The following NME9 variants were observed in gnomAD, a reference collection of about 807,000 sequenced individuals.
The protein encoded by NME9 is thioredoxin domain-containing protein 6.
Under a neutral mutation model 44.4 loss-of-function variants are expected in NME9, and 48 were observed. The observed-to-expected ratio is 1.08, with a 90% CI of 0.86 to 1.37. The LOEUF is 1.37. Ranked by LOEUF, NME9 falls within the 40% of genes most tolerant of loss-of-function variation. The pLI is 0.00. For missense variants in NME9, 325 were observed against 405.2 expected (o/e 0.80, Z 1.70); for synonymous variants, 139 against 147.1 (o/e 0.94, Z 0.40).
At chr3:138,264,785 C>T (rs1008231199) in intron 8 of NME9, among the ~76,000 whole-genome samples, 1 of 146,608 alleles carries the variant, frequency 6.8e-6, no homozygotes, top group Non-Finnish European at 1.6e-5. Flanking sequence ...TTTAATATTA[C>T]ACCTTAACCT....
intron 8 of NME9, among the ~76,000 whole-genome samples, chr3:138,291,418 T>C (rs1366284807): frequency 1.3e-5 from 2 of 152,188 alleles, no homozygotes; most frequent in Non-Finnish European, 2.9e-5. Context: ...CCCAGTCTCC[T>C]CTCCTCTGAG....
At chr3:138,325,032 T>C (rs1216969726) in intron 1 of NME9, 102 bp from the exon 2 acceptor site, 2 of 918,490 alleles carry the variant, frequency 2.2e-6, no homozygotes, top group East Asian at 2.4e-5. Flanking sequence ...CTGAAATACT[T>C]ACAAGTACAG....
chr3:138,262,946 C>T (rs973008423), intron 8 of NME9, among the ~76,000 whole-genome samples: 1 of 152,154 alleles, frequency 6.6e-6, no homozygotes, highest in South Asian at 2.1e-4. Context: ...CAGAATAATG[C>T]CTACAGAAGA....
chr3:138,292,332 G>A (rs1434452345), intron 8 of NME9, among the ~76,000 whole-genome samples: 4 of 152,198 alleles, frequency 2.6e-5, no homozygotes, highest in African/African-American at 4.8e-5. Flanking sequence ...GAGCCACCAC[G>A]CCGGGCCCTG....
At chr3:138,272,911 ATAATT>A (rs1356566717) in intron 8 of NME9, 1 of 1,322,872 alleles carries the variant, frequency 7.6e-7, no homozygotes, top group African/African-American at 1.5e-5. Context: ...CTATTAAAAT[ATAATT>A]TAATAAAGTA....
At chr3:138,304,514 G>GC (rs2052085918) in intron 9 of NME9, among the ~76,000 whole-genome samples, 1 of 152,200 alleles carries the variant, frequency 6.6e-6, no homozygotes, top group African/African-American at 2.4e-5. Flanking sequence ...TCAGGCCCTG[G>GC]CCCAGAGTCT....
chr3:138,303,394 A>T, intron 10 of NME9, 113 bp downstream of exon 10: 1 of 748,862 alleles, frequency 1.3e-6, no homozygotes, highest in Non-Finnish European at 2.3e-6. Flanking sequence ...GGACTGTATT[A>T]GGTTGAAGAC....
chr3:138,290,065 T>G (rs1033045027), intron 8 of NME9, among the ~76,000 whole-genome samples: 1 of 152,068 alleles, frequency 6.6e-6, no homozygotes, highest in Non-Finnish European at 1.5e-5. Context: ...CAGAATGATA[T>G]GAAATTGGAA....
intron 8 of NME9, chr3:138,263,623 ACT>A: frequency 1.1e-6 from 1 of 937,958 alleles, no homozygotes; most frequent in Non-Finnish European, 1.7e-6. Flanking sequence ...AGAGGTAAAA[ACT>A]CTTGCCAAAA....
intron 8 of NME9, among the ~76,000 whole-genome samples, chr3:138,268,968 G>C (rs2048532857): frequency 6.6e-6 from 1 of 151,956 alleles, no homozygotes; most frequent in Non-Finnish European, 1.5e-5. Context: ...TAATATCCTT[G>C]TTTTTAGGAA....
At position 138,301,608 on chromosome 3, in the gene NME9, G is replaced by A. The variant is rs983596903; in HGVS notation, c.*32C>T. 14 of 1,535,854 alleles carry A rather than the reference G, an allele frequency of 9.1e-6. No individual in the cohort carries two copies. In the African/African-American group the frequency reaches 1.6e-4, roughly 18 times the overall value. The stretch of plus-strand genomic sequence containing the variant: ...GTCTGTTTTGTGCAGTAGACCCCTG[G>A]TCACGTGCTCTGGAAGAGCAGCACA... On this transcript the variant is annotated 3_prime_UTR_variant, in exon 11 of 11. Transcript: ENST00000333911.
intron 8 of NME9, among the ~76,000 whole-genome samples, chr3:138,290,243 A>C (rs555698206): frequency 1.3e-4 from 20 of 152,320 alleles, no homozygotes; most frequent in Non-Finnish European, 2.4e-4. Flanking sequence ...AGTCAGTGGC[A>C]GAGGGCCTTG....
rs141191750 is a variant in NME9, at chr3:138,317,984, C to T, written c.267+164G>A. 2.8e-3 allele frequency among the ~76,000 whole-genome samples: 429 copies of T among 152,082 alleles called. 2 individuals are homozygous for T. Among genetic ancestry groups the T allele is most frequent in the African/African-American group, 9.8e-3 (408 of 41,436 alleles). On this transcript the variant is annotated intron_variant, in intron 4 of 10. Transcript: ENST00000333911. ...ATGTAGCCAACATCATAAAAATAGA[C>T]TGGGAGGCATCAGAGAAAACAGCAT...
At chr3:138,299,657 G>A (rs1374775191), downstream of NME9, among the ~76,000 whole-genome samples, 1 of 152,084 alleles carries the variant, frequency 6.6e-6, no homozygotes, top group African/African-American at 2.4e-5. Flanking sequence ...GTAATGGGAG[G>A]AAGGGGCATG....
At position 138,329,832 on chromosome 3, in the gene NME9, C is replaced by T. The variant is rs2054013760; in HGVS notation, c.-497G>A. On this transcript the variant is annotated 5_prime_UTR_variant, in exon 1 of 11. Transcript: ENST00000333911. Reference sequence around the variant, plus strand: ...AGTCACCAACCGAGTCTGCCGCGACCTAGCCGCGGTCGTCATGGCAACCTG... The same window carrying T: ...AGTCACCAACCGAGTCTGCCGCGACTTAGCCGCGGTCGTCATGGCAACCTG... 1.0e-6 allele frequency: 1 copy of T among 986,182 alleles called. No homozygotes were observed. The highest frequency in any genetic ancestry group is 1.2e-6 in the Non-Finnish European group (1 of 830,418). The allele number at this position is 986,182 out of a possible 1,614,324, so 61.1% of individuals were successfully genotyped here.
At chr3:138,315,126 G>A (rs922141036) in intron 5 of NME9, among the ~76,000 whole-genome samples, 3 of 152,158 alleles carry the variant, frequency 2.0e-5, no homozygotes, top group African/African-American at 7.2e-5. Context: ...AGCCCTCTGA[G>A]TTCACAAGTA....
chr3:138,293,408 A>G (rs2051171625), intron 8 of NME9, among the ~76,000 whole-genome samples: 1 of 152,140 alleles, frequency 6.6e-6, no homozygotes, highest in Admixed American at 6.6e-5. Context: ...GCATGGTAGT[A>G]CGTGCCTGTA....
Position 138,301,410 on chromosome 3 carries a change from G to T in NME9, c.*230C>A. On this transcript the variant is annotated 3_prime_UTR_variant, in exon 11 of 11. Coordinates refer to ENST00000333911, the MANE Select transcript of NME9 (RefSeq NM_001349018.2). ...AGTAGAGACAGGGTTTCACCATGTTGGCTAGGCTGGTGTCAAACTCCTAAT... is the reference window on the plus strand; with the variant it reads ...AGTAGAGACAGGGTTTCACCATGTTTGCTAGGCTGGTGTCAAACTCCTAAT... The T allele has an allele frequency of 5.2e-6, 4 of 766,350 alleles. No homozygotes were observed. The highest frequency in any genetic ancestry group is 5.6e-6 in the Non-Finnish European group (3 of 536,046). The allele number at this position is 766,350 out of a possible 1,614,324, so 47.5% of individuals were successfully genotyped here.
chr3:138,323,847 G>T (rs564747251), intron 2 of NME9, among the ~76,000 whole-genome samples: 1 of 152,296 alleles, frequency 6.6e-6, no homozygotes, highest in South Asian at 2.1e-4. Context: ...GAGAAGTAAA[G>T]AGTGGGTGAC....
Sources: gnomAD v4.1 joint callset for allele counts (sites outside exome capture counted in the v4.1 genomes callset) on GRCh38, gnomAD v4.1.1 for gene constraint, MANE v1.5 for transcripts, NCBI Gene and HGNC (gene_info 2026-07-23, HGNC 2026-07-21) for gene names.